Variants in ELN observed in about 807,000 individuals in gnomAD.
ELN encodes the protein elastin.
In ELN, 65 loss-of-function variants were observed where a neutral mutation model predicts 105.8. That is an observed-to-expected ratio of 0.61 (90% CI 0.50 to 0.75). The LOEUF (loss-of-function observed/expected upper bound fraction) is 0.75, where lower values mean the gene tolerates loss of function less well. Among genes scored for constraint, ELN ranks in the 30% least tolerant of loss-of-function variants. ELN has a pLI of 0.00. For missense variants in ELN, 882 were observed against 969.4 expected (o/e 0.91, Z 1.20); for synonymous variants, 368 against 389.2 (o/e 0.95, Z 0.64).
intron 15 of ELN, among the ~76,000 whole-genome samples, chr7:74,049,861 C>T (rs143179086): frequency 8.0e-4 from 121 of 151,510 alleles, no homozygotes; most frequent in African/African-American, 2.7e-3. Flanking sequence ...TCCACTCATC[C>T]ATCCATCCAT....
At chr7:74,050,404 T>C (rs1554675374) in intron 15 of ELN, among the ~76,000 whole-genome samples, 2 of 151,686 alleles carry the variant, frequency 1.3e-5, no homozygotes, top group African/African-American at 2.4e-5. Flanking sequence ...CATCCATCCA[T>C]CCATCCATCC....
chr7:74,065,616 G>GAAAAGA, intron 29 of ELN, 78 bp from the exon 30 acceptor site: 1 of 1,278,460 alleles, frequency 7.8e-7, no homozygotes, highest in Non-Finnish European at 1.0e-6. Context: ...TCTGCCTCAA[G>GAAAAGA]AAAAAAAAAA....
In ELN at chr7:74,059,942, G is replaced by GTGGCTCCTGGAGTTGGCT; in HGVS notation, c.1489_1506dup (p.Leu497_Gly502dup). ...AGTTGGCGTGGCTCCTGGTGTCGGTGTGGCTCCTGGAGTTGGCTTGGCTCC... is the reference window on the plus strand; with the variant it reads ...AGTTGGCGTGGCTCCTGGTGTCGGTGTGGCTCCTGGAGTTGGCTTGGCTCCTGGAGTTGGCTTGGCTCC... On this transcript the variant is annotated inframe_insertion, in exon 23 of 33. Transcript: ENST00000252034. 1.9e-6 allele frequency: 3 copies of GTGGCTCCTGGAGTTGGCT among 1,605,392 alleles called. No individual in the cohort carries two copies. The highest frequency in any genetic ancestry group is 1.1e-5 in the South Asian group (1 of 90,852).
At position 74,069,026 on chromosome 7, in the gene ELN, C is replaced by T; in HGVS notation, c.*326C>T. ...GCTACACGCTGGTGCTCTTATCTTC[C>T]TGGGGGGAGGGAGGAGGGAAGGGTG... On this transcript the variant is annotated 3_prime_UTR_variant, in exon 33 of 33. Transcript: ENST00000252034. The T allele has an allele frequency of 2.2e-6, 1 of 444,558 alleles. No individual in the cohort carries two copies. The highest frequency in any genetic ancestry group is 4.2e-6 in the Non-Finnish European group (1 of 239,276). 27.5% of individuals were successfully genotyped at this position (444,558 alleles called of 1,614,324 possible). A position where few individuals can be genotyped will look rare whatever the true frequency, so the allele number is the denominator to read the frequency against.
chr7:74,044,563 A>G (rs1554670784), intron 9 of ELN, among the ~76,000 whole-genome samples: 1 of 152,200 alleles, frequency 6.6e-6, no homozygotes, highest in African/African-American at 2.4e-5. Flanking sequence ...GGGCCACCCA[A>G]TGAGTCTGCC....
chr7:74,031,006 T>C (rs992241554), intron 1 of ELN, among the ~76,000 whole-genome samples: 1 of 152,234 alleles, frequency 6.6e-6, no homozygotes, highest in East Asian at 1.9e-4. Context: ...GCCTTCTGCA[T>C]GCAAACAACA....
Position 74,060,466 on chromosome 7 carries a change from T to C in ELN, c.1712T>C (p.Leu571Pro). The C allele has an allele frequency of 6.2e-7, 1 of 1,614,194 alleles. No individual in the cohort carries two copies. Residue 571 changes from leucine (L) to proline (P), a missense_variant, in exon 25 of 33, where the codon CTT becomes CCT. Physicochemically the swap from Leu to Pro is moderately conservative, Grantham distance 98. Coordinates refer to ENST00000252034, the MANE Select transcript of ELN (RefSeq NM_000501.4). ...GGAGTTGGTGCTGGTGTTCCTGGAC[T>C]TGGAGTTGGTGCTGGTGTTCCTGGC... ...GLGVGAGVPG[L>P]GVGAGVPGFG...
chr7:74,046,713 G>A lies in ELN; in HGVS notation c.589G>A (p.Gly197Arg). Reference protein sequence around the residue: ...AGIPGVGPFGGPQPGVPLGYP... With the variant: ...AGIPGVGPFGRPQPGVPLGYP... ...TCCCACAGGAGTTGGACCCTTTGGG[G>A]GACCGCAACCTGGAGTCCCACTGGG... Residue 197 changes from glycine (G) to arginine (R), a missense_variant, in exon 12 of 33, where the codon GGA becomes AGA. Gly to Arg is a moderately radical substitution (Grantham distance 125, BLOSUM62 -2). Transcript: ENST00000252034. 6.2e-7 allele frequency: 1 copy of A among 1,614,176 alleles called. No individual in the cohort carries two copies. Among genetic ancestry groups the A allele is most frequent in the Non-Finnish European group, 8.5e-7 (1 of 1,180,012 alleles).
At chr7:74,050,245 C>T (rs1051446523) in intron 15 of ELN, among the ~76,000 whole-genome samples, 1 of 151,510 alleles carries the variant, frequency 6.6e-6, no homozygotes, top group Non-Finnish European at 1.5e-5. Flanking sequence ...TTCCCTCTAT[C>T]CATCCACTCA....
At chr7:74,033,684 A>G (rs1789217048) in intron 1 of ELN, among the ~76,000 whole-genome samples, 1 of 152,164 alleles carries the variant, frequency 6.6e-6, no homozygotes, top group Non-Finnish European at 1.5e-5. Flanking sequence ...TGAGGCTGAC[A>G]GGGCCCTGGG....
At chr7:74,042,762 C>A in intron 6 of ELN, 56 bp downstream of exon 6, 1 of 1,597,056 alleles carries the variant, frequency 6.3e-7, no homozygotes, top group Non-Finnish European at 8.5e-7. Context: ...TGGGGCCCTC[C>A]GCTTTGCAAA....
intron 26 of ELN, among the ~76,000 whole-genome samples, chr7:74,061,798 C>G (rs1340442470): frequency 6.6e-6 from 1 of 152,160 alleles, no homozygotes; most frequent in Non-Finnish European, 1.5e-5. Flanking sequence ...CAGTTGCCCC[C>G]CAGGAGGCAA....
chr7:74,063,791 C>A lies in ELN; in HGVS notation c.1993+96C>A. On this transcript the variant is annotated intron_variant, in intron 29 of 32. Transcript: ENST00000252034. The surrounding 1 kb of genome is among the most constrained non-coding windows in gnomAD (Gnocchi z 4.1). ...GAGACAGAGACTTTCGTTCCCACCC[C>A]TGGCACGTCTTTGCTCAAGATGTCC... 1 of 1,543,694 alleles carries A rather than the reference C, an allele frequency of 6.5e-7. No individual in the cohort carries two copies. The highest frequency in any genetic ancestry group is 8.9e-7 in the Non-Finnish European group (1 of 1,120,948).
intron 10 of ELN, chr7:74,045,613 C>T: frequency 2.5e-6 from 1 of 406,676 alleles, no homozygotes; most frequent in South Asian, 2.1e-5. Context: ...CATGGTCACA[C>T]ACACCTATGA....
intron 29 of ELN, among the ~76,000 whole-genome samples, chr7:74,065,204 A>G (rs992348430): frequency 4.6e-5 from 7 of 151,820 alleles, no homozygotes; most frequent in African/African-American, 1.5e-4. Flanking sequence ...AGCTGTGATC[A>G]AGCCACTGCA....
Position 74,044,071 on chromosome 7 carries a change from C to A in ELN, c.469+151C>A, listed in dbSNP as rs200182661. 2.4e-5 allele frequency: 26 copies of A among 1,069,106 alleles called. No individual in the cohort carries two copies. In the East Asian group the frequency reaches 6.6e-4, roughly 27 times the overall value. The allele number at this position is 1,069,106 out of a possible 1,614,324, so 66.2% of individuals were successfully genotyped here. On this transcript the variant is annotated intron_variant, in intron 9 of 32. Coordinates refer to ENST00000252034, the MANE Select transcript of ELN (RefSeq NM_000501.4). ...GACCAGCCTGGGCATCATAGTAAGG[C>A]CCTCGTCTCTACAAAAAAATTTAGC... is the stretch of plus-strand genomic sequence containing the variant.
chr7:74,061,162 T>C (rs1796562162), intron 26 of ELN, 23 bp downstream of exon 26: 1 of 1,613,972 alleles, frequency 6.2e-7, no homozygotes, highest in Non-Finnish European at 8.5e-7. Context: ...CACAACCACT[T>C]GTGGCTCCCT....
At chr7:74,045,371 G>A (rs1042521963) in intron 10 of ELN, 78 bp downstream of exon 10, 5 of 1,550,072 alleles carry the variant, frequency 3.2e-6, no homozygotes, top group Non-Finnish European at 4.4e-6. Flanking sequence ...AAATGGGGTG[G>A]GATCCTGGAC....
chr7:74,064,340 G>A (rs1271092204), intron 29 of ELN, among the ~76,000 whole-genome samples: 4 of 151,250 alleles, frequency 2.6e-5, no homozygotes, highest in South Asian at 4.2e-4. Context: ...GCGTGAACCT[G>A]GGAGGCGGAG....
Sources: allele counts gnomAD v4.1 joint callset (sites outside exome capture counted in the v4.1 genomes callset), GRCh38; gene constraint gnomAD v4.1.1; non-coding constraint Gnocchi (gnomAD v3.1); transcripts MANE v1.5; gene names NCBI Gene and HGNC (gene_info 2026-07-23, HGNC 2026-07-21).